Variants in PCID2 observed in about 807,000 individuals in gnomAD.
The protein encoded by PCID2 is PCI domain containing 2.
Under a neutral mutation model 61.3 loss-of-function variants are expected in PCID2, and 41 were observed. The observed-to-expected ratio is 0.67, with a 90% CI of 0.52 to 0.87. The LOEUF (loss-of-function observed/expected upper bound fraction) is 0.87, where lower values mean the gene tolerates loss of function less well. PCID2 is among the 40% of genes least tolerant of loss of function. The pLI is 0.00. For synonymous variants in PCID2, 187 were observed against 177.8 expected (o/e 1.05, Z -0.41); for missense variants, 392 against 493.4 (o/e 0.79, Z 1.95).
At chr13:113,183,121 C>T (rs1444699629) in intron 9 of PCID2, among the ~76,000 whole-genome samples, 4 of 152,156 alleles carry the variant, frequency 2.6e-5, no homozygotes, top group Non-Finnish European at 5.9e-5. Flanking sequence ...GGCAGAAGAT[C>T]TATGGCCAGC....
chr13:113,170,557 A>G, the PCID2 span: 20 of 1,352,684 alleles, frequency 1.5e-5, no homozygotes, highest in South Asian at 2.3e-5. Flanking sequence ...GAGTTTTTAT[A>G]AAACCACATT....
At chr13:113,204,394 A>G (rs74767959) in intron 1 of PCID2, among the ~76,000 whole-genome samples, 1,725 of 152,364 alleles carry the variant, frequency 0.011, 51 homozygotes, top group South Asian at 0.094. Context: ...CTGGGGACAC[A>G]GTGGTCACGA....
At chr13:113,208,544 A>C in intron 1 of PCID2, 55 bp downstream of exon 1, 1 of 1,590,772 alleles carries the variant, frequency 6.3e-7, no homozygotes, top group Non-Finnish European at 8.6e-7. Flanking sequence ...GAGGGGACAC[A>C]CGGAACACGC....
chr13:113,174,617 C>CAGGAGG (rs2037161592), downstream of PCID2, among the ~76,000 whole-genome samples: 2 of 152,176 alleles, frequency 1.3e-5, no homozygotes, highest in African/African-American at 4.8e-5. Context: ...ACCTCAGCCT[C>CAGGAGG]CTGACTACAG....
At chr13:113,203,483 T>C (rs528185431) in intron 1 of PCID2, among the ~76,000 whole-genome samples, 1 of 152,346 alleles carries the variant, frequency 6.6e-6, no homozygotes, top group East Asian at 1.9e-4. Context: ...CCTCAGCTGT[T>C]TAGGGGAAAG....
chr13:113,200,692 ATTTC>A, intron 1 of PCID2, 176 bp from the exon 2 acceptor site: 2 of 362,854 alleles, frequency 5.5e-6, no homozygotes, highest in Non-Finnish European at 9.8e-6. Context: ...GTAAACAATA[ATTTC>A]TTTTTTTTTT....
the PCID2 span, chr13:113,171,761 T>G: frequency 6.2e-7 from 1 of 1,612,034 alleles, no homozygotes; most frequent in East Asian, 2.2e-5. This position sits in a 1 kb window ranked among gnomAD's most constrained non-coding sequence, Gnocchi z 5.1. Context: ...TGAGAAAGAC[T>G]TCGCTGAGCA....
chr13:113,165,124 A>G, the PCID2 span: 1 of 1,610,596 alleles, frequency 6.2e-7, no homozygotes, highest in East Asian at 2.2e-5. Context: ...GTGGCAGGTA[A>G]CAGAGCGCTC....
intron 8 of PCID2, among the ~76,000 whole-genome samples, chr13:113,184,887 C>T (rs1233736066): frequency 2.0e-5 from 3 of 151,566 alleles, no homozygotes; most frequent in Non-Finnish European, 4.4e-5. Flanking sequence ...TTTCAGGGGG[C>T]GCAGCCCTGC....
At chr13:113,170,507 A>G in the PCID2 span, 9 of 1,589,656 alleles carry the variant, frequency 5.7e-6, no homozygotes, top group African/African-American at 2.7e-5. Context: ...TCACTGTTAC[A>G]CAGGAATATT....
chr13:113,191,237 T>C (rs996102704), intron 6 of PCID2, among the ~76,000 whole-genome samples: 1 of 152,008 alleles, frequency 6.6e-6, no homozygotes, highest in Non-Finnish European at 1.5e-5. Context: ...TCTCACTTTG[T>C]TGCTCTGGCT....
chr13:113,193,990 G>T (rs185760570), intron 6 of PCID2, among the ~76,000 whole-genome samples: 2 of 152,146 alleles, frequency 1.3e-5, no homozygotes, highest in Admixed American at 6.5e-5. Flanking sequence ...ACTACCTGAC[G>T]AGACTATGGA....
chr13:113,208,554 C>A, intron 1 of PCID2, 45 bp downstream of exon 1: 1 of 1,597,766 alleles, frequency 6.3e-7, no homozygotes. Context: ...ACGGAACACG[C>A]CGAGGGCCAA....
In PCID2 at chr13:113,180,206, A is replaced by G; in HGVS notation, c.812T>C (p.Leu271Pro). 1 of 1,613,846 alleles carries G rather than the reference A, an allele frequency of 6.2e-7. No homozygotes were observed. Residue 271 changes from leucine (L) to proline (P), a missense_variant, in exon 11 of 14, where the codon CTG becomes CCG. Leu to Pro is a moderately conservative substitution (Grantham distance 98). This residue lies in a region of PCID2 where 226 missense variants were observed against 296.5 expected (regional missense o/e 0.76). Transcript: ENST00000337344. The part of the protein sequence containing the change: ...LLGHMPTVEL[L>P]KKYHLMQFAE... ...AAACTGCATCAGGTGATACTTTTTC[A>G]GGAGCTCCACAGTGGGCATGTGACC...
intron 6 of PCID2, among the ~76,000 whole-genome samples, 171 bp from the exon 7 acceptor site, chr13:113,191,146 T>G (rs937610863): frequency 7.2e-5 from 11 of 152,190 alleles, no homozygotes; most frequent in African/African-American, 2.7e-4. Context: ...AACCAGGTAC[T>G]ACCATGCCTG....
chr13:113,177,069 G>A (rs367967461), downstream of PCID2, among the ~76,000 whole-genome samples: 22 of 152,360 alleles, frequency 1.4e-4, no homozygotes, highest in African/African-American at 4.3e-4. Flanking sequence ...CAGCGTCCAC[G>A]CAGCCCTTCA....
downstream of PCID2, among the ~76,000 whole-genome samples, chr13:113,176,326 G>T (rs895801074): frequency 1.3e-5 from 2 of 152,252 alleles, no homozygotes; most frequent in Admixed American, 1.3e-4. Context: ...CAGTGCTGGG[G>T]ACTAAACTGT....
At chr13:113,167,937 T>C in the PCID2 span, among the ~76,000 whole-genome samples, 1 of 152,200 alleles carries the variant, frequency 6.6e-6, no homozygotes, top group Non-Finnish European at 1.5e-5. Context: ...TCATCTCTGG[T>C]TCTTTGTTGG....
At chr13:113,190,822 G>T in intron 7 of PCID2, 50 bp downstream of exon 7, 1 of 1,155,174 alleles carries the variant, frequency 8.7e-7, no homozygotes, top group Non-Finnish European at 1.3e-6. Context: ...ACGCTGCAAT[G>T]AAAACACCAC....
Sources: gnomAD v4.1 joint callset for allele counts (sites outside exome capture counted in the v4.1 genomes callset) on GRCh38, gnomAD v4.1.1 for gene constraint, gnomAD v4.1.1 regional missense constraint, Gnocchi (gnomAD v3.1) non-coding constraint, MANE v1.5 for transcripts, NCBI Gene and HGNC (gene_info 2026-07-23, HGNC 2026-07-21) for gene names.